The following AFF2 variants were observed in gnomAD, a reference collection of about 807,000 sequenced individuals.
AFF2 encodes the protein AF4/FMR2 family member 2.
In AFF2, 14 loss-of-function variants were observed where a neutral mutation model predicts 76.9. The observed-to-expected ratio is 0.18, with a 90% CI of 0.12 to 0.28. The LOEUF (loss-of-function observed/expected upper bound fraction) is 0.28. AFF2 is among the 10% of genes least tolerant of loss of function. AFF2 has a pLI of 1.00. For synonymous variants in AFF2, 398 were observed against 366.7 expected, an observed-to-expected ratio of 1.09 and a Z score of -0.98; for missense variants, 868 against 1,001.1, an observed-to-expected ratio of 0.87 and a Z score of 1.79.
rs3790348 is a variant in AFF2, at chrX:148,513,261, T to G, written c.47+12117T>G. On this transcript the variant is annotated intron_variant, in intron 1 of 20. Transcript: ENST00000370460. ...CGTGCCTATACTCCAAACCATCATC[T>G]CCCTCACCCTTGACCCTGGGGTTGG... 5.9e-3 allele frequency among the ~76,000 whole-genome samples: 661 copies of G among 111,935 alleles called. 9 individuals carry two copies. The highest frequency in any genetic ancestry group is 0.046 in the East Asian group (163 of 3,558).
intron 3 of AFF2, among the ~76,000 whole-genome samples, chrX:148,690,664 A>G (rs2054641722): frequency 8.9e-6 from 1 of 112,496 alleles, no homozygotes; most frequent in African/African-American, 3.2e-5. Context: ...TTTAGCAGTT[A>G]AGAGCATGTG....
intron 3 of AFF2, among the ~76,000 whole-genome samples, chrX:148,773,082 A>C (rs2069610704): frequency 9.0e-6 from 1 of 111,079 alleles, no homozygotes; most frequent in Non-Finnish European, 1.9e-5. Context: ...AAAGATAAAA[A>C]AGAAAGTAAA....
At chrX:148,961,417 G>T (rs2072106957) in intron 12 of AFF2, among the ~76,000 whole-genome samples, 1 of 112,472 alleles carries the variant, frequency 8.9e-6, no homozygotes, top group South Asian at 3.6e-4. Context: ...GGTTATACAT[G>T]TCAAAGCAAT....
intron 3 of AFF2, among the ~76,000 whole-genome samples, chrX:148,727,193 AT>A (rs1401242267): frequency 0.017 from 1,837 of 109,500 alleles, 11 homozygotes; most frequent in African/African-American, 0.02. Flanking sequence ...AGATGGACAA[AT>A]TTTTTTTTTC....
At chrX:148,568,133 A>G (rs1452686264) in intron 1 of AFF2, among the ~76,000 whole-genome samples, 1 of 111,414 alleles carries the variant, frequency 9.0e-6, no homozygotes, top group Non-Finnish European at 1.9e-5. Flanking sequence ...TTTTTAAAGG[A>G]ATCTCCTGTC....
At chrX:148,970,011 A>T (rs1350639238) in intron 15 of AFF2, among the ~76,000 whole-genome samples, 1 of 111,646 alleles carries the variant, frequency 9.0e-6, no homozygotes, top group Non-Finnish European at 1.9e-5. Context: ...ATCTCTACAG[A>T]TCTCTCCAGC....
intron 3 of AFF2, among the ~76,000 whole-genome samples, chrX:148,731,393 A>G (rs1352184446): frequency 8.9e-6 from 1 of 111,836 alleles, no homozygotes; most frequent in Non-Finnish European, 1.9e-5. Flanking sequence ...TTTATACTCC[A>G]TCCCCAAGCA....
chrX:148,719,503 C>T (rs1369990935), intron 3 of AFF2, among the ~76,000 whole-genome samples: 1 of 111,620 alleles, frequency 9.0e-6, no homozygotes, highest in Non-Finnish European at 1.9e-5. Flanking sequence ...TAAGGACAAC[C>T]AGAGCATAAT....
intron 9 of AFF2, among the ~76,000 whole-genome samples, chrX:148,940,377 C>T (rs782595160): frequency 8.9e-6 from 1 of 112,078 alleles, no homozygotes; most frequent in African/African-American, 3.2e-5. Context: ...TCAGAAAATG[C>T]AGATTTCTAG....
At chrX:148,660,903 C>T (rs190792060) in intron 2 of AFF2, among the ~76,000 whole-genome samples, 4 of 112,518 alleles carry the variant, frequency 3.6e-5, no homozygotes, top group East Asian at 2.8e-4. Flanking sequence ...AAGTCATTTC[C>T]AAGTATACAG....
At chrX:148,566,188 C>G (rs181850306) in intron 1 of AFF2, among the ~76,000 whole-genome samples, 3 of 110,828 alleles carry the variant, frequency 2.7e-5, no homozygotes, top group African/African-American at 9.9e-5. Context: ...TTATTATTAT[C>G]TATTTTGCCC....
At chrX:148,676,475 C>T (rs943054538) in intron 3 of AFF2, among the ~76,000 whole-genome samples, 1 of 111,690 alleles carries the variant, frequency 9.0e-6, no homozygotes, top group Admixed American at 9.5e-5. Flanking sequence ...CATTGTGTGC[C>T]AGGTACCATG....
At chrX:148,894,863 C>A (rs2071263788) in intron 8 of AFF2, among the ~76,000 whole-genome samples, 1 of 109,621 alleles carries the variant, frequency 9.1e-6, no homozygotes, top group Non-Finnish European at 1.9e-5. Flanking sequence ...AAATGTTCAT[C>A]AACAGACAAA....
intron 3 of AFF2, among the ~76,000 whole-genome samples, chrX:148,773,693 A>AGAAAGAAG (rs1569555319): frequency 5.4e-5 from 4 of 74,235 alleles, no homozygotes; most frequent in South Asian, 6.3e-4. Flanking sequence ...AAGGAAAGAA[A>AGAAAGAAG]GAAAGAAAGA....
At chrX:148,896,676 A>G (rs1557280338) in intron 8 of AFF2, among the ~76,000 whole-genome samples, 1 of 111,201 alleles carries the variant, frequency 9.0e-6, no homozygotes, top group Non-Finnish European at 1.9e-5. Context: ...GCCAGAGCAG[A>G]AGTAGTGTTT....
rs1411269104 is a variant in AFF2 at position 148,897,253 on chromosome X, ATATATATATATATATATATG to A, written c.1360-6962_1360-6943del. On this transcript the variant is annotated intron_variant, in intron 8 of 20. Transcript: ENST00000370460. ...TATATATATATATATATATATATAT[ATATATATATATATATATATG>A]TATATGAAAAATATATATATCCATA... Among the ~76,000 whole-genome samples the A allele has an allele frequency of 7.9e-3, 315 of 39,757 alleles. 14 individuals are homozygous for A. Among genetic ancestry groups the A allele is most frequent in the South Asian group, 0.024 (14 of 589 alleles). 34.5% of individuals were successfully genotyped at this position (39,757 alleles called of 115,157 possible).
chrX:148,583,180 A>T (rs1282274252), intron 1 of AFF2, among the ~76,000 whole-genome samples: 3 of 111,809 alleles, frequency 2.7e-5, no homozygotes, highest in African/African-American at 9.8e-5. Flanking sequence ...AATAATGGTT[A>T]TGGTTCCATA....
chrX:148,649,542 C>T (rs1310334842), intron 1 of AFF2, among the ~76,000 whole-genome samples: 1 of 112,320 alleles, frequency 8.9e-6, no homozygotes, highest in African/African-American at 3.2e-5. Context: ...TTAAAAAATG[C>T]AGCAGGCAGT....
At chrX:148,756,078 A>G (rs1557266871) in intron 3 of AFF2, among the ~76,000 whole-genome samples, 1 of 112,359 alleles carries the variant, frequency 8.9e-6, no homozygotes. Context: ...CTGCATTCAC[A>G]TTCAGGAACT....
Sources: allele counts gnomAD v4.1 joint callset (sites outside exome capture counted in the v4.1 genomes callset), GRCh38; gene constraint gnomAD v4.1.1; transcripts MANE v1.5; gene names NCBI Gene and HGNC (gene_info 2026-07-23, HGNC 2026-07-21).